The following ZNF239 variants were observed in gnomAD, a reference collection of about 807,000 sequenced individuals.
The protein encoded by ZNF239 is zinc finger protein 239, also known as zinc finger protein (C2H2) homologous to mouse MOK-2.
In ZNF239, 16 loss-of-function variants were observed where a neutral mutation model predicts 27.5. The ratio of observed to expected loss-of-function variants is 0.58; its 90% CI spans 0.39 to 0.88. ZNF239 has a LOEUF of 0.88. Ranked by LOEUF, ZNF239 falls within the 40% of genes least tolerant of loss-of-function variation. The pLI is 0.00. For synonymous variants in ZNF239, 199 were observed against 192.6 expected, an observed-to-expected ratio of 1.03 and a Z score of -0.27; for missense variants, 527 against 551.9, an observed-to-expected ratio of 0.95 and a Z score of 0.45.
Position 43,558,184 on chromosome 10 carries a change from G to C in ZNF239, c.-92-13C>G. ...TCATTCAAGTCTCCTAGGGAACAAA[G>C]ACAATTCAGTGGTAAGAACAAAGGG... On this transcript the variant is annotated splice_polypyrimidine_tract_variant and intron_variant, in intron 3 of 3. Transcript: ENST00000374446. 6.8e-7 allele frequency: 1 copy of C among 1,467,442 alleles called. No homozygotes were observed. The highest frequency in any genetic ancestry group is 9.0e-7 in the Non-Finnish European group (1 of 1,108,610). 90.9% of individuals were successfully genotyped at this position (1,467,442 alleles called of 1,614,324 possible).
rs776731163 is a variant in ZNF239, at chr10:43,557,376, T to C, written c.704A>G (p.Tyr235Cys). Residue 235 changes from tyrosine to cysteine, a missense_variant, in exon 4 of 4, where the codon TAC (tyrosine) becomes TGC (cysteine). Transcript: ENST00000374446. The part of the protein sequence containing the change: ...HQRDHTEEKP[Y>C]KCEQCGKGFT... ...GCCCTTCCCACATTGCTCACATTTG[T>C]AGGGTTTTTCTTCTGTGTGGTCTCT... is the stretch of plus-strand genomic sequence containing the variant. The C allele has an allele frequency of 3.1e-6, 5 of 1,614,216 alleles. No individual in the cohort carries two copies. Among genetic ancestry groups the C allele is most frequent in the Non-Finnish European group, 4.2e-6 (5 of 1,180,034 alleles).
In ZNF239 at chr10:43,558,230, T is replaced by C. The variant is rs887606302; in HGVS notation, c.-92-59A>G. On this transcript the variant is annotated intron_variant, in intron 3 of 3. Coordinates refer to ENST00000374446, the MANE Select transcript of ZNF239 (RefSeq NM_001099282.2). The stretch of plus-strand genomic sequence containing the variant: ...AAGGGTAGACTTCAAGATTTCAGAG[T>C]GAGAGTGCCTAAGGCCTGAAGTCTT... The C allele has an allele frequency of 3.2e-5, 46 of 1,419,806 alleles. 1 individual carries two copies. In the Middle Eastern group the frequency reaches 5.6e-4, roughly 17 times the overall value. 88.0% of individuals were successfully genotyped at this position (1,419,806 alleles called of 1,614,324 possible). A position where few individuals can be genotyped will look rare whatever the true frequency, so the allele number is the denominator to read the frequency against.
At chr10:43,573,410 T>C (rs1430476892) in intron 2 of ZNF239, among the ~76,000 whole-genome samples, 2 of 152,210 alleles carry the variant, frequency 1.3e-5, no homozygotes, top group African/African-American at 4.8e-5. Context: ...CACAGCCCAC[T>C]GCTCTGAGGA....
chr10:43,558,787 T>C (rs1207326576), intron 3 of ZNF239, among the ~76,000 whole-genome samples: 1 of 152,216 alleles, frequency 6.6e-6, no homozygotes, highest in Non-Finnish European at 1.5e-5. Flanking sequence ...ATTGGTATTC[T>C]GCTTTCATAG....
intron 3 of ZNF239, among the ~76,000 whole-genome samples, chr10:43,558,682 C>T (rs1315735052): frequency 6.6e-6 from 1 of 152,222 alleles, no homozygotes; most frequent in East Asian, 1.9e-4. Flanking sequence ...CTCCTGGCCT[C>T]AAGTGATCCA....
Position 43,557,639 on chromosome 10 carries a change from C to G in ZNF239, c.441G>C (p.Leu147Phe). The change falls in exon 4 of 4, where the codon TTG becomes TTC. Residue 147 changes from leucine (L) to phenylalanine (F), a missense_variant. By Grantham distance (22) the Leu-to-Phe change is conservative (BLOSUM62 0). Coordinates refer to ENST00000374446, the MANE Select transcript of ZNF239 (RefSeq NM_001099282.2). ...CTTTGCAGTTACAGTCAATGGGATC[C>G]AAAGATTCTTTTAACTGGCCATTCT... Reference protein sequence around the residue: ...TCQNGQLKESLDPIDCNCKDI... With the variant: ...TCQNGQLKESFDPIDCNCKDI... The G allele has an allele frequency of 6.2e-7, 1 of 1,614,168 alleles. No individual in the cohort carries two copies. The highest frequency in any genetic ancestry group is 8.5e-7 in the Non-Finnish European group (1 of 1,180,048).
At chr10:43,566,017 C>A (rs1179572755) in intron 3 of ZNF239, among the ~76,000 whole-genome samples, 5 of 151,992 alleles carry the variant, frequency 3.3e-5, no homozygotes, top group Non-Finnish European at 5.9e-5. Flanking sequence ...AAAAAAGGAA[C>A]AAACTCTGAA....
chr10:43,564,811 G>A (rs145300840), intron 3 of ZNF239, among the ~76,000 whole-genome samples: 2,328 of 152,264 alleles, frequency 0.015, 71 homozygotes, highest in African/African-American at 0.053. Context: ...TTACAGGCAT[G>A]AGCCACCACG....
Position 43,556,647 on chromosome 10 carries a change from T to C in ZNF239, c.*56A>G. The C allele has an allele frequency of 6.4e-7, 1 of 1,551,158 alleles. No individual in the cohort carries two copies. On this transcript the variant is annotated 3_prime_UTR_variant, in exon 4 of 4. Transcript: ENST00000374446. ...AATATAAAGTAAGAGTGATACTAAA[T>C]ATTTAACAGTTTTTACAGTATGAGC...
At chr10:43,570,559 T>TCC in intron 2 of ZNF239, 1 of 985,148 alleles carries the variant, frequency 1.0e-6, no homozygotes, top group Non-Finnish European at 1.2e-6. Flanking sequence ...ATCTTTTCTC[T>TCC]CCCTTATTTT....
chr10:43,556,800 C>T lies in ZNF239; in HGVS notation c.1280G>A (p.Gly427Glu). 6.2e-7 allele frequency: 1 copy of T among 1,613,482 alleles called. No individual in the cohort carries two copies. Among genetic ancestry groups the T allele is most frequent in the Non-Finnish European group, 8.5e-7 (1 of 1,179,824 alleles). The change falls in exon 4 of 4, where the codon GGA becomes GAA. Residue 427 changes from glycine to glutamate, a missense_variant. Physicochemically the swap from Gly to Glu is moderately conservative, Grantham distance 98 (BLOSUM62 -2). Coordinates refer to ENST00000374446, the MANE Select transcript of ZNF239 (RefSeq NM_001099282.2). ...KLLIHQRVHT[G>E]EKPYECSKCG... The stretch of plus-strand genomic sequence containing the variant: ...CTTGCTGCACTCATAGGGCTTCTCT[C>T]CAGTATGTACTCTCTGGTGGATGAG...
chr10:43,568,170 T>C, intron 2 of ZNF239, 149 bp from the exon 3 acceptor site: 2 of 985,530 alleles, frequency 2.0e-6, no homozygotes, highest in Non-Finnish European at 2.4e-6. Flanking sequence ...CCAAGTTTTG[T>C]TGGAAAGTCT....
At chr10:43,563,785 A>C (rs1192263481) in intron 3 of ZNF239, among the ~76,000 whole-genome samples, 1 of 152,054 alleles carries the variant, frequency 6.6e-6, no homozygotes. Flanking sequence ...ATGGCTGCCC[A>C]CTGAAGATAA....
rs1836844932 is a variant in ZNF239 at position 43,557,387 on chromosome 10, TTC to T, written c.691_692del (p.Glu231ArgfsTer7). On this transcript the variant is annotated frameshift_variant, in exon 4 of 4. Coordinates refer to ENST00000374446, the MANE Select transcript of ZNF239 (RefSeq NM_001099282.2). LOFTEE classifies it high-confidence loss of function. ...ELLLHQRDHT[E>X]EKPYKCEQCG... ...ATTGCTCACATTTGTAGGGTTTTTC[TTC>T]TGTGTGGTCTCTCTGATGAAGTAGT... 4 of 1,614,112 alleles carry T rather than the reference TTC, an allele frequency of 2.5e-6. No homozygotes were observed. The South Asian group carries it at 4.4e-5, about 18-fold the overall frequency.
chr10:43,568,181 T>C (rs935809929), intron 2 of ZNF239, 160 bp from the exon 3 acceptor site: 1 of 985,370 alleles, frequency 1.0e-6, no homozygotes, highest in African/African-American at 1.7e-5. Context: ...TGGAAAGTCT[T>C]TCCTTTCTCA....
chr10:43,563,991 G>A (rs1053592695), intron 3 of ZNF239, among the ~76,000 whole-genome samples: 4 of 151,980 alleles, frequency 2.6e-5, no homozygotes, highest in African/African-American at 7.3e-5. Context: ...TTTTACCAGG[G>A]CCTTCAACGC....
intron 3 of ZNF239, among the ~76,000 whole-genome samples, chr10:43,565,652 A>G (rs1837580437): frequency 6.6e-6 from 1 of 151,842 alleles, no homozygotes; most frequent in South Asian, 2.1e-4. Flanking sequence ...TGTCTCTACT[A>G]AAAATACAAA....
Position 43,556,923 on chromosome 10 carries a change from T to C in ZNF239, c.1157A>G (p.Gln386Arg). 1.2e-6 allele frequency: 2 copies of C among 1,613,822 alleles called. No individual in the cohort carries two copies. Among genetic ancestry groups the C allele is most frequent in the Non-Finnish European group, 1.7e-6 (2 of 1,179,936 alleles). Residue 386 changes from glutamine to arginine, a missense_variant, in exon 4 of 4, where the codon CAG becomes CGG. Gln to Arg is a conservative substitution (Grantham distance 43). Transcript: ENST00000374446. ...GAGATGGATGCGAAGATCCGAGCTC[T>C]GGCTGAAACCCTTCCCACACTCATA... Reference protein sequence around the residue: ...QCYECGKGFSQSSDLRIHLRV... With the variant: ...QCYECGKGFSRSSDLRIHLRV...
intron 3 of ZNF239, among the ~76,000 whole-genome samples, chr10:43,558,719 G>A (rs1836995739): frequency 6.6e-6 from 1 of 152,198 alleles, no homozygotes; most frequent in Non-Finnish European, 1.5e-5. Context: ...AAAGTGCTGG[G>A]ATTACAGGCA....
Sources: gnomAD v4.1 joint callset for allele counts (sites outside exome capture counted in the v4.1 genomes callset) on GRCh38, gnomAD v4.1.1 for gene constraint, MANE v1.5 for transcripts, NCBI Gene and HGNC (gene_info 2026-07-23, HGNC 2026-07-21) for gene names.